The following SUN3 variants were observed in gnomAD, a reference collection of about 807,000 sequenced individuals.
SUN3 encodes the protein Sad1 and UNC84 domain containing 3.
In SUN3, 36 loss-of-function variants were observed where a neutral mutation model predicts 48.2. The observed-to-expected ratio is 0.75, with a 90% CI of 0.57 to 0.99. The LOEUF is 0.99. SUN3 is among the 50% of genes least tolerant of loss of function. The pLI is 0.00. For synonymous variants in SUN3, 148 were observed against 147.9 expected (o/e 1.00, Z 0.00); for missense variants, 419 against 433.1 (o/e 0.97, Z 0.29).
At chr7:47,999,113 C>T (rs1014457510) in intron 6 of SUN3, among the ~76,000 whole-genome samples, 1 of 152,248 alleles carries the variant, frequency 6.6e-6, no homozygotes. Context: ...GGTATTGAGT[C>T]TTCTAATCCA....
At chr7:48,007,134 C>A in intron 5 of SUN3, 31 bp downstream of exon 5, 1 of 1,593,114 alleles carries the variant, frequency 6.3e-7, no homozygotes, top group Non-Finnish European at 8.6e-7. Flanking sequence ...ACCACCCCAC[C>A]CTGCCCAACC....
chr7:48,017,230 G>T, intron 3 of SUN3, 32 bp downstream of exon 3: 1 of 1,187,322 alleles, frequency 8.4e-7, no homozygotes, highest in Non-Finnish European at 1.2e-6. Context: ...CTTTAAATGA[G>T]TGATATACAA....
intron 8 of SUN3, among the ~76,000 whole-genome samples, chr7:47,993,024 T>C (rs1378247412): frequency 6.6e-6 from 1 of 151,930 alleles, no homozygotes; most frequent in Non-Finnish European, 1.5e-5. Context: ...GAGTTTGAAG[T>C]TGCAGTGAGC....
chr7:48,015,323 A>G (rs1789782224), intron 3 of SUN3, among the ~76,000 whole-genome samples: 1 of 152,162 alleles, frequency 6.6e-6, no homozygotes, highest in African/African-American at 2.4e-5. Context: ...GCTTTTGTCT[A>G]AGACTGGGGT....
At chr7:48,004,496 T>G (rs1446604943) in intron 6 of SUN3, among the ~76,000 whole-genome samples, 1 of 152,226 alleles carries the variant, frequency 6.6e-6, no homozygotes. Context: ...ACAGTTTACA[T>G]CATTGCCAAA....
intron 6 of SUN3, among the ~76,000 whole-genome samples, chr7:47,999,080 T>C (rs910972940): frequency 6.6e-6 from 1 of 152,240 alleles, no homozygotes; most frequent in Admixed American, 6.5e-5. Flanking sequence ...CATAGAAAAG[T>C]TGGACAGTAT....
At chr7:48,007,399 A>C (rs1583762888) in intron 4 of SUN3, 72 bp from the exon 5 acceptor site, 51 of 1,426,926 alleles carry the variant, frequency 3.6e-5, no homozygotes, top group East Asian at 2.6e-4. Flanking sequence ...GCTGGGCTCC[A>C]CCCGCCATGT....
At chr7:48,032,906 CAG>C (rs1790272803), upstream of SUN3, among the ~76,000 whole-genome samples, 1 of 152,182 alleles carries the variant, frequency 6.6e-6, no homozygotes, top group Non-Finnish European at 1.5e-5. Context: ...GGTAAACCAA[CAG>C]AGACCAGGCA....
At chr7:48,010,973 T>C (rs7779252) in intron 3 of SUN3, among the ~76,000 whole-genome samples, 70,879 of 151,924 alleles carry the variant, frequency 0.47, 17,257 homozygotes, top group African/African-American at 0.61. Context: ...CTCCAGTCTC[T>C]GCCTCTGCCT....
Position 47,996,102 on chromosome 7 carries a change from T to A in SUN3, c.622A>T (p.Asn208Tyr), listed in dbSNP as rs1220477304. 6.3e-7 allele frequency: 1 copy of A among 1,596,384 alleles called. No individual in the cohort carries two copies. Among genetic ancestry groups the A allele is most frequent in the Non-Finnish European group, 8.5e-7 (1 of 1,174,396 alleles). ...EAGTSESYKN[N>Y]KAKLYWHGIG... ...CCATGCCAGTACAATTTTGCTTTAT[T>A]ATTTTTATAACTTTCTGAGGTCCCA... The change falls in exon 7 of 10, where the codon AAT (asparagine) becomes TAT (tyrosine). Residue 208 changes from asparagine to tyrosine, a missense_variant. Coordinates refer to ENST00000297325, the MANE Select transcript of SUN3 (RefSeq NM_001030019.2).
intron 2 of SUN3, among the ~76,000 whole-genome samples, chr7:48,022,843 A>G (rs75081139): frequency 0.03 from 4,536 of 152,186 alleles, 220 homozygotes; most frequent in African/African-American, 0.1. Context: ...CAGAAACTAT[A>G]GAGGCCAGAA....
At chr7:48,033,186 T>C (rs1790275052), upstream of SUN3, among the ~76,000 whole-genome samples, 1 of 152,246 alleles carries the variant, frequency 6.6e-6, no homozygotes, top group African/African-American at 2.4e-5. Context: ...TCTTGTATCA[T>C]GTTTTAATTT....
chr7:48,008,285 C>A (rs1010026256), intron 4 of SUN3, among the ~76,000 whole-genome samples: 1 of 152,112 alleles, frequency 6.6e-6, no homozygotes, highest in African/African-American at 2.4e-5. Context: ...CGGGAAAAAA[C>A]CAAGCATTTA....
intron 2 of SUN3, among the ~76,000 whole-genome samples, chr7:48,021,949 T>C (rs1297121683): frequency 6.6e-6 from 1 of 152,162 alleles, no homozygotes; most frequent in South Asian, 2.1e-4. Flanking sequence ...GACATCAGTA[T>C]ATCAAAGAGA....
rs1382179401 is a variant in SUN3, at chr7:48,006,034, T to C, written c.512A>G (p.Asn171Ser). ...TTCTCTCAACTTTTTAAGTACATAA[T>C]TGACCAAGTTTGACACTTCCTGTAG... Reference protein sequence around the residue: ...DHTEEVSNLVNYVLKKLREDQ... With the variant: ...DHTEEVSNLVSYVLKKLREDQ... The change falls in exon 6 of 10, where the codon AAT (asparagine) becomes AGT (serine). Residue 171 changes from asparagine (N) to serine (S), a missense_variant. By Grantham distance (46) the Asn-to-Ser change is conservative. Coordinates refer to ENST00000297325, the MANE Select transcript of SUN3 (RefSeq NM_001030019.2). 1.2e-6 allele frequency: 2 copies of C among 1,607,868 alleles called. No homozygotes were observed. Among genetic ancestry groups the C allele is most frequent in the Middle Eastern group, 1.7e-4 (1 of 6,060 alleles).
chr7:48,007,507 A>T (rs1451289835), intron 4 of SUN3, among the ~76,000 whole-genome samples, 180 bp from the exon 5 acceptor site: 1 of 152,018 alleles, frequency 6.6e-6, no homozygotes, highest in Non-Finnish European at 1.5e-5. Context: ...CTAAAAAAAA[A>T]ACAAGGACAT....
intron 4 of SUN3, 40 bp downstream of exon 4, chr7:48,008,995 C>G: frequency 6.3e-7 from 1 of 1,592,540 alleles, no homozygotes; most frequent in African/African-American, 1.4e-5. Flanking sequence ...GTATTTGAAA[C>G]CACACCAAAA....
In SUN3 at chr7:47,994,386, T is replaced by C; in HGVS notation, c.790A>G (p.Met264Val). 6.2e-7 allele frequency: 1 copy of C among 1,613,460 alleles called. No homozygotes were observed. Among genetic ancestry groups the C allele is most frequent in the Admixed American group, 1.7e-5 (1 of 59,886 alleles). The change falls in exon 8 of 10, where the codon ATG (methionine) becomes GTG (valine). Residue 264 changes from methionine to valine, a missense_variant. Met to Val is a conservative substitution (Grantham distance 21, BLOSUM62 1). Coordinates refer to ENST00000297325, the MANE Select transcript of SUN3 (RefSeq NM_001030019.2). ...GACACCTTCTCTGAGATGTGCTCCATGGTAACAGCAGTTGGTATGATCTTT... is the reference window on the plus strand; with the variant it reads ...GACACCTTCTCTGAGATGTGCTCCACGGTAACAGCAGTTGGTATGATCTTT... ...ATKIIPTAVTMEHISEKVSPS... is the reference protein window; with the variant it reads ...ATKIIPTAVTVEHISEKVSPS...
intron 4 of SUN3, among the ~76,000 whole-genome samples, 182 bp downstream of exon 4, chr7:48,008,852 TG>T (rs1438564156): frequency 1.3e-5 from 2 of 152,192 alleles, no homozygotes; most frequent in East Asian, 3.8e-4. Flanking sequence ...TCTTTCCATC[TG>T]CATATATACA....
Sources: allele counts gnomAD v4.1 joint callset (sites outside exome capture counted in the v4.1 genomes callset), GRCh38; gene constraint gnomAD v4.1.1; transcripts MANE v1.5; gene names NCBI Gene and HGNC (gene_info 2026-07-23, HGNC 2026-07-21).